The following GLRA2 variants were observed in gnomAD, a reference collection of about 807,000 sequenced individuals.
The protein encoded by GLRA2 is glycine receptor subunit alpha-2.
GLRA2 carries 11 observed loss-of-function variants against 31.6 expected under a neutral mutation model. That is an observed-to-expected ratio of 0.35 (90% CI 0.22 to 0.58). The LOEUF (loss-of-function observed/expected upper bound fraction) is 0.58, where lower values mean the gene tolerates loss of function less well. Ranked by LOEUF, GLRA2 falls within the 20% of genes least tolerant of loss-of-function variation. GLRA2 has a pLI of 0.84. For synonymous variants in GLRA2, 132 were observed against 134.0 expected (o/e 0.99, Z 0.10); for missense variants, 212 against 351.8 (o/e 0.60, Z 3.18).
Position 14,731,036 on chromosome X carries a change from G to A in GLRA2, c.*551G>A, listed in dbSNP as rs919366921. 2 of 111,431 alleles carry A rather than the reference G, an allele frequency of 1.8e-5. No individual in the cohort carries two copies. The highest frequency in any genetic ancestry group is 2.8e-4 in the East Asian group (1 of 3,511). The allele number at this position is 111,431 out of a possible 1,213,427, so 9.2% of individuals were successfully genotyped here. A position where few individuals can be genotyped will look rare whatever the true frequency, so the allele number is the denominator to read the frequency against. On this transcript the variant is annotated 3_prime_UTR_variant, in exon 9 of 9. Transcript: ENST00000218075. ...AACTTTTTCAGGAAAATGCTGCCTC[G>A]TTTTTAAAACAAGCCTCCTAAGCTA...
At chrX:14,600,291 A>G (rs756246235) in intron 4 of GLRA2, among the ~76,000 whole-genome samples, 8 of 111,582 alleles carry the variant, frequency 7.2e-5, no homozygotes, top group Admixed American at 6.7e-4. Context: ...CAAGCCTATG[A>G]TTAGGAATAT....
At chrX:14,500,194 G>T in the GLRA2 span, among the ~76,000 whole-genome samples, 3 of 111,972 alleles carry the variant, frequency 2.7e-5, no homozygotes, top group Admixed American at 9.5e-5. Context: ...AATCTGAGTG[G>T]CTGTTCAGCA....
chrX:14,519,658 CTG>C, the GLRA2 span, among the ~76,000 whole-genome samples: 8 of 112,125 alleles, frequency 7.1e-5, no homozygotes, highest in Non-Finnish European at 1.5e-4. Context: ...AGGATTTAGA[CTG>C]TGAAGAATAC....
At chrX:14,667,939 T>C (rs2091051800) in intron 7 of GLRA2, among the ~76,000 whole-genome samples, 1 of 112,119 alleles carries the variant, frequency 8.9e-6, no homozygotes, top group Admixed American at 9.5e-5. Context: ...TATCTTGTAG[T>C]TTCTATGGGT....
chrX:14,693,788 A>C (rs762387799), intron 8 of GLRA2, among the ~76,000 whole-genome samples: 232 of 112,310 alleles, frequency 2.1e-3, no homozygotes, highest in African/African-American at 7.1e-3. Context: ...GATAACTAGA[A>C]CATCTCTATA....
At chrX:14,451,736 C>T in the GLRA2 span, among the ~76,000 whole-genome samples, 1 of 101,664 alleles carries the variant, frequency 9.8e-6, no homozygotes, top group African/African-American at 3.7e-5. Context: ...GCCCATCTCA[C>T]AGGTAAGGAC....
chrX:14,583,682 T>C (rs1398517931), intron 4 of GLRA2, among the ~76,000 whole-genome samples: 1 of 111,906 alleles, frequency 8.9e-6, no homozygotes. Flanking sequence ...GAGGTTGCAG[T>C]GAGCCGAGAT....
chrX:14,639,379 A>G (rs922503765), intron 7 of GLRA2, among the ~76,000 whole-genome samples: 54 of 111,939 alleles, frequency 4.8e-4, no homozygotes, highest in Non-Finnish European at 7.3e-4. Context: ...GTATTTGTTG[A>G]ATGAATAACT....
At chrX:14,513,472 CAG>C in the GLRA2 span, among the ~76,000 whole-genome samples, 1 of 111,700 alleles carries the variant, frequency 9.0e-6, no homozygotes, top group South Asian at 3.7e-4. Context: ...GCAGAGTAAA[CAG>C]ACAACCCACA....
At chrX:14,681,536 A>C (rs940403137) in intron 7 of GLRA2, among the ~76,000 whole-genome samples, 1 of 111,102 alleles carries the variant, frequency 9.0e-6, no homozygotes, top group Non-Finnish European at 1.9e-5. Context: ...CACAGGGCCT[A>C]AACTAAAAAC....
chrX:14,604,327 C>T lies in GLRA2; in HGVS notation c.507C>T (p.Thr169=), dbSNP rs111946619. The stretch of plus-strand genomic sequence containing the variant: ...TTTGTTTGCTAAGACTCACCTTGAC[C>T]TTATCCTGTCCCATGGACTTGAAGA... ...KVLYSIRLTL[T]LSCPMDLKNF... is the part of the protein sequence containing the mutation. Residue 169 remains threonine, a synonymous_variant, in exon 5 of 9, where the codon ACC becomes ACT. Coordinates refer to ENST00000218075, the MANE Select transcript of GLRA2 (RefSeq NM_002063.4). 27,528 of 1,165,610 alleles carry T rather than the reference C, an allele frequency of 0.024. 304 individuals are homozygous for T. The highest frequency in any genetic ancestry group is 0.035 in the Middle Eastern group (149 of 4,198).
At chrX:14,639,026 C>T (rs1324602579) in intron 7 of GLRA2, among the ~76,000 whole-genome samples, 1 of 111,454 alleles carries the variant, frequency 9.0e-6, no homozygotes, top group African/African-American at 3.3e-5. Flanking sequence ...AGGGTTCATA[C>T]TTCCTTGGAT....
chrX:14,531,258 C>G, intron 1 of GLRA2: 1 of 477,775 alleles, frequency 2.1e-6, no homozygotes, highest in Non-Finnish European at 3.2e-6. Flanking sequence ...TTTGAATACC[C>G]CTTCTTTGAA....
At chrX:14,690,561 A>C (rs1274294574) in intron 7 of GLRA2, 149 bp from the exon 8 acceptor site, 8 of 441,610 alleles carry the variant, frequency 1.8e-5, no homozygotes, top group African/African-American at 1.7e-4. Flanking sequence ...GCACTTTCTT[A>C]AGAAAACGCT....
chrX:14,559,511 G>A (rs1205801780), intron 2 of GLRA2, among the ~76,000 whole-genome samples: 2 of 97,994 alleles, frequency 2.0e-5, no homozygotes, highest in African/African-American at 7.7e-5. Context: ...CACCCCACTG[G>A]GTTCAAGCGA....
the GLRA2 span, among the ~76,000 whole-genome samples, chrX:14,496,763 T>G: frequency 1.8e-5 from 2 of 111,884 alleles, no homozygotes; most frequent in Non-Finnish European, 3.8e-5. Flanking sequence ...GTCAGTCACA[T>G]CCTCAAAGGA....
At chrX:14,583,757 C>CA (rs754283173) in intron 4 of GLRA2, among the ~76,000 whole-genome samples, 118 of 110,693 alleles carry the variant, frequency 1.1e-3, no homozygotes, top group African/African-American at 3.7e-3. Flanking sequence ...AAAACAAAAA[C>CA]AAAAAACCAA....
chrX:14,574,863 T>A (rs755000977), intron 3 of GLRA2, among the ~76,000 whole-genome samples: 2 of 111,457 alleles, frequency 1.8e-5, no homozygotes, highest in Non-Finnish European at 3.8e-5. Flanking sequence ...AATAGGTGCA[T>A]CTCCAATGCT....
upstream of GLRA2, among the ~76,000 whole-genome samples, chrX:14,525,125 G>A (rs1004351877): frequency 2.7e-5 from 3 of 111,471 alleles, no homozygotes; most frequent in African/African-American, 9.8e-5. Flanking sequence ...GTTAAGAAAA[G>A]TGTTTTTATT....
Sources: gnomAD v4.1 joint callset for allele counts (sites outside exome capture counted in the v4.1 genomes callset) on GRCh38, gnomAD v4.1.1 for gene constraint, MANE v1.5 for transcripts, NCBI Gene and HGNC (gene_info 2026-07-23, HGNC 2026-07-21) for gene names.